The following ARID2 variants were observed in gnomAD, a reference collection of about 807,000 sequenced individuals.
ARID2 encodes AT-rich interaction domain 2.
Under a neutral mutation model 184.6 loss-of-function variants are expected in ARID2, and 32 were observed. The ratio of observed to expected loss-of-function variants is 0.17; its 90% CI spans 0.13 to 0.23. The LOEUF is 0.23. Among genes scored for constraint, ARID2 ranks in the 10% least tolerant of loss-of-function variants. ARID2 has a pLI of 1.00. For synonymous variants in ARID2, 836 were observed against 772.6 expected (o/e 1.08, Z -1.36); for missense variants, 1,696 against 2,197.6 (o/e 0.77, Z 4.56).
chr12:45,804,506 G>C (rs1467214598), intron 3 of ARID2, among the ~76,000 whole-genome samples: 1 of 151,716 alleles, frequency 6.6e-6, no homozygotes, highest in Non-Finnish European at 1.5e-5. Context: ...GTGTGTGTGT[G>C]TGTCTGTATG....
chr12:45,784,090 A>G (rs144189541), intron 3 of ARID2, among the ~76,000 whole-genome samples: 213 of 152,338 alleles, frequency 1.4e-3, no homozygotes, highest in Non-Finnish European at 1.8e-3. Context: ...CCGGAGCTCA[A>G]TCAGTCCTCC....
At position 45,758,225 on chromosome 12, in the gene ARID2, TTAAG is replaced by T. The variant is rs199616081; in HGVS notation, c.284+26916_284+26919del. On this transcript the variant is annotated intron_variant, in intron 3 of 20. Coordinates refer to ENST00000334344, the MANE Select transcript of ARID2 (RefSeq NM_152641.4). ...GAAAACAAACATTAAAGGCATTTCATTAAGTAAGGGTAGATTTAGTCCAACTTCA... is the reference window on the plus strand; with the variant it reads ...GAAAACAAACATTAAAGGCATTTCATTAAGGGTAGATTTAGTCCAACTTCA... 5.9e-5 allele frequency among the ~76,000 whole-genome samples: 9 copies of T among 152,306 alleles called. No individual in the cohort carries two copies. In the East Asian group the frequency reaches 1.5e-3, roughly 26 times the overall value.
At chr12:45,758,065 G>A (rs999021388) in intron 3 of ARID2, among the ~76,000 whole-genome samples, 3 of 152,082 alleles carry the variant, frequency 2.0e-5, no homozygotes, top group Non-Finnish European at 4.4e-5. Context: ...GCGATTTTTC[G>A]AGACAACAAA....
intron 3 of ARID2, among the ~76,000 whole-genome samples, chr12:45,737,486 A>G (rs1358218802): frequency 6.6e-6 from 1 of 151,360 alleles, no homozygotes; most frequent in African/African-American, 2.4e-5. Flanking sequence ...TCCCTCATAC[A>G]TATTTGCTGA....
intron 6 of ARID2, among the ~76,000 whole-genome samples, chr12:45,822,659 A>G (rs1046960938): frequency 2.6e-5 from 4 of 152,194 alleles, no homozygotes; most frequent in African/African-American, 9.6e-5. Flanking sequence ...TCACTTAAAT[A>G]TTAAAAATCA....
chr12:45,778,364 C>G (rs1198266985), intron 3 of ARID2, among the ~76,000 whole-genome samples: 1 of 152,152 alleles, frequency 6.6e-6, no homozygotes, highest in East Asian at 1.9e-4. Flanking sequence ...GGTATCTAAC[C>G]TCATCATAAC....
At chr12:45,747,257 G>A (rs959823824) in intron 3 of ARID2, among the ~76,000 whole-genome samples, 1 of 152,060 alleles carries the variant, frequency 6.6e-6, no homozygotes, top group Non-Finnish European at 1.5e-5. Flanking sequence ...GTATCTTTTT[G>A]TAATAACGTG....
intron 20 of ARID2, among the ~76,000 whole-genome samples, chr12:45,894,337 C>T (rs1944340465): frequency 6.6e-6 from 1 of 152,172 alleles, no homozygotes; most frequent in Non-Finnish European, 1.5e-5. Context: ...TCTTGGGCCG[C>T]CTCTCTGCGA....
intron 3 of ARID2, among the ~76,000 whole-genome samples, chr12:45,807,938 G>T (rs1306634489): frequency 6.6e-6 from 1 of 152,080 alleles, no homozygotes; most frequent in Non-Finnish European, 1.5e-5. Flanking sequence ...TGTTTTGAAT[G>T]AACTCTTTTT....
intron 3 of ARID2, among the ~76,000 whole-genome samples, chr12:45,738,779 C>CTT (rs11333868): frequency 0.016 from 962 of 62,044 alleles, 116 homozygotes; most frequent in African/African-American, 0.029. Flanking sequence ...ATATGGGCTA[C>CTT]TTTTTTTTTT....
intron 20 of ARID2, among the ~76,000 whole-genome samples, chr12:45,899,133 G>T (rs1476546100): frequency 6.6e-6 from 1 of 150,636 alleles, no homozygotes; most frequent in African/African-American, 2.4e-5. Flanking sequence ...TTAGCTGGGC[G>T]TGGTGGCGCG....
chr12:45,892,425 T>A (rs907447797), intron 18 of ARID2, among the ~76,000 whole-genome samples: 10 of 152,120 alleles, frequency 6.6e-5, no homozygotes, highest in Admixed American at 3.3e-4. Flanking sequence ...CTTTTTTCTG[T>A]AAAAGTAATC....
At chr12:45,904,045 C>CT (rs1944491034) in intron 20 of ARID2, among the ~76,000 whole-genome samples, 1 of 152,020 alleles carries the variant, frequency 6.6e-6, no homozygotes, top group Non-Finnish European at 1.5e-5. Flanking sequence ...CCCCAGCATC[C>CT]CTTTTTTTTA....
chr12:45,814,027 C>T (rs1942760201), intron 4 of ARID2, among the ~76,000 whole-genome samples: 1 of 152,046 alleles, frequency 6.6e-6, no homozygotes. Flanking sequence ...CCAACTCAAT[C>T]ATTTTAATAA....
At position 45,871,149 on chromosome 12, in the gene ARID2, C is replaced by A. The variant is rs1943920257; in HGVS notation, c.4922+10200C>A. 2.6e-5 allele frequency among the ~76,000 whole-genome samples: 4 copies of A among 152,258 alleles called. No individual in the cohort carries two copies. In the South Asian group the frequency reaches 8.3e-4, roughly 32 times the overall value. ...GTTTTGTCAGTGTTTTAGATATGAG[C>A]CATTCTGATAGGTGTGTGTTGGTAT... On this transcript the variant is annotated intron_variant, in intron 16 of 20. Coordinates refer to ENST00000334344, the MANE Select transcript of ARID2 (RefSeq NM_152641.4).
intron 15 of ARID2, among the ~76,000 whole-genome samples, chr12:45,857,131 C>G (rs1943664972): frequency 6.6e-6 from 1 of 152,132 alleles, no homozygotes; most frequent in South Asian, 2.1e-4. Context: ...ATCCCATAAT[C>G]TGATAACATG....
intron 3 of ARID2, among the ~76,000 whole-genome samples, chr12:45,733,787 A>G (rs1941051874): frequency 6.6e-6 from 1 of 152,234 alleles, no homozygotes; most frequent in Admixed American, 6.5e-5. Context: ...AAATATTGAC[A>G]GTCATTAAAT....
chr12:45,790,339 AT>A (rs1942272562), intron 3 of ARID2, among the ~76,000 whole-genome samples: 1 of 151,984 alleles, frequency 6.6e-6, no homozygotes, highest in Non-Finnish European at 1.5e-5. Context: ...TTACGTTTAT[AT>A]TTGTATGATA....
At chr12:45,776,490 G>T (rs1235589954) in intron 3 of ARID2, among the ~76,000 whole-genome samples, 1 of 152,108 alleles carries the variant, frequency 6.6e-6, no homozygotes, top group East Asian at 1.9e-4. Context: ...GTCAGGATAG[G>T]TGTTTATATA....
Sources: allele counts gnomAD v4.1 joint callset (sites outside exome capture counted in the v4.1 genomes callset), GRCh38; gene constraint gnomAD v4.1.1; transcripts MANE v1.5; gene names NCBI Gene and HGNC (gene_info 2026-07-23, HGNC 2026-07-21).